LIPI: variants seen among roughly 807,000 people sequenced by gnomAD.
LIPI encodes the protein lipase I.
Under a neutral mutation model 50.6 loss-of-function variants are expected in LIPI, and 59 were observed. The ratio of observed to expected loss-of-function variants is 1.16; its 90% CI spans 0.94 to 1.45. The LOEUF (loss-of-function observed/expected upper bound fraction) is 1.45, where lower values mean the gene tolerates loss of function less well. Among genes scored for constraint, LIPI ranks in the 40% most tolerant of loss-of-function variants. The pLI is 0.00. For missense variants in LIPI, 586 were observed against 536.3 expected (o/e 1.09, Z -0.92); for synonymous variants, 203 against 178.2 (o/e 1.14, Z -1.11).
At chr21:14,131,719 A>G (rs1420981661) in intron 9 of LIPI, among the ~76,000 whole-genome samples, 1 of 152,226 alleles carries the variant, frequency 6.6e-6, no homozygotes, top group Admixed American at 6.5e-5. Flanking sequence ...CCAACCAGAA[A>G]GAATTCCTCA....
chr21:14,183,447 A>G (rs1370216343), intron 3 of LIPI, among the ~76,000 whole-genome samples: 1 of 152,346 alleles, frequency 6.6e-6, no homozygotes, highest in Admixed American at 6.5e-5. Context: ...ACCAAAAGCA[A>G]TGGCAACAAA....
At chr21:14,117,271 C>A (rs1041351340) in intron 9 of LIPI, among the ~76,000 whole-genome samples, 2 of 152,114 alleles carry the variant, frequency 1.3e-5, no homozygotes, top group African/African-American at 4.8e-5. Flanking sequence ...ACGGAAAAAC[C>A]CCAGGCTCTT....
At chr21:14,168,171 A>G (rs1174618755) in intron 4 of LIPI, among the ~76,000 whole-genome samples, 3 of 152,226 alleles carry the variant, frequency 2.0e-5, no homozygotes, top group Non-Finnish European at 4.4e-5. Flanking sequence ...AGAAAAAAGA[A>G]TAAAAAGAAA....
At chr21:14,140,279 G>A (rs1406449198) in intron 9 of LIPI, among the ~76,000 whole-genome samples, 2 of 152,102 alleles carry the variant, frequency 1.3e-5, no homozygotes, top group Non-Finnish European at 2.9e-5. Flanking sequence ...ATTGGATGAT[G>A]AGTGAGAAGA....
chr21:14,154,145 C>G (rs768771927), intron 7 of LIPI, among the ~76,000 whole-genome samples: 2 of 147,346 alleles, frequency 1.4e-5, no homozygotes, highest in Non-Finnish European at 3.0e-5. Flanking sequence ...TGACAAACCA[C>G]TGAGACTGGA....
intron 8 of LIPI, 64 bp from the exon 9 acceptor site, chr21:14,144,863 C>T: frequency 8.6e-7 from 1 of 1,157,904 alleles, no homozygotes; most frequent in South Asian, 1.3e-5. Flanking sequence ...ATTCTAAAAT[C>T]AATATAATCC....
intron 3 of LIPI, among the ~76,000 whole-genome samples, chr21:14,183,544 T>C (rs1053491777): frequency 4.4e-4 from 67 of 152,074 alleles, no homozygotes; most frequent in African/African-American, 9.2e-4. Context: ...AGGCAACCTA[T>C]AGAATGGGAG....
intron 2 of LIPI, among the ~76,000 whole-genome samples, chr21:14,188,510 G>A (rs1461774031): frequency 7.0e-6 from 1 of 142,748 alleles, no homozygotes; most frequent in Non-Finnish European, 1.5e-5. Context: ...GCAGGCTGCA[G>A]TGAGCCAAGA....
chr21:14,149,153 C>T (rs1185100713), intron 8 of LIPI, among the ~76,000 whole-genome samples: 1 of 152,170 alleles, frequency 6.6e-6, no homozygotes, highest in Non-Finnish European at 1.5e-5. Flanking sequence ...GTCTGCATTG[C>T]TGAGGAGGCC....
intron 9 of LIPI, among the ~76,000 whole-genome samples, chr21:14,119,551 C>A (rs2016785041): frequency 6.6e-6 from 1 of 152,136 alleles, no homozygotes; most frequent in Non-Finnish European, 1.5e-5. Flanking sequence ...CAACTACTCA[C>A]TCCTAGCAAA....
At chr21:14,167,405 G>A (rs1186244550) in intron 4 of LIPI, among the ~76,000 whole-genome samples, 2 of 152,210 alleles carry the variant, frequency 1.3e-5, no homozygotes, top group Non-Finnish European at 2.9e-5. Context: ...CGGGCAGACT[G>A]TCTCCTCAAG....
intron 9 of LIPI, among the ~76,000 whole-genome samples, chr21:14,131,684 C>T (rs955842784): frequency 3.9e-5 from 6 of 151,938 alleles, no homozygotes; most frequent in Admixed American, 2.0e-4. Flanking sequence ...ACCAAGGGAC[C>T]GCAACAGTAC....
chr21:14,164,578 A>C (rs988036622), intron 6 of LIPI, among the ~76,000 whole-genome samples: 1 of 152,206 alleles, frequency 6.6e-6, no homozygotes, highest in African/African-American at 2.4e-5. Context: ...CCAGATGTTT[A>C]CATGCTCATG....
intron 1 of LIPI, among the ~76,000 whole-genome samples, chr21:14,210,195 C>T (rs749202885): frequency 2.2e-4 from 33 of 151,912 alleles, no homozygotes; most frequent in Non-Finnish European, 3.7e-4. Flanking sequence ...ACTTATAAGT[C>T]GAACAAGTAA....
intron 8 of LIPI, among the ~76,000 whole-genome samples, chr21:14,145,037 T>C (rs1233684032): frequency 6.6e-6 from 1 of 152,158 alleles, no homozygotes; most frequent in Non-Finnish European, 1.5e-5. Flanking sequence ...TGAAAATGCT[T>C]CTTTTGGGAA....
intron 9 of LIPI, among the ~76,000 whole-genome samples, chr21:14,110,810 T>C (rs976128334): frequency 6.6e-6 from 1 of 151,598 alleles, no homozygotes; most frequent in Non-Finnish European, 1.5e-5. Context: ...TGATGGGATT[T>C]CCTTCTTTAT....
chr21:14,201,288 G>A (rs2020043615), intron 1 of LIPI, among the ~76,000 whole-genome samples: 1 of 152,058 alleles, frequency 6.6e-6, no homozygotes, highest in South Asian at 2.1e-4. Flanking sequence ...AAGAGCTTCT[G>A]CACAACAAAA....
chr21:14,116,716 A>G (rs2016656324), intron 9 of LIPI, among the ~76,000 whole-genome samples: 1 of 152,172 alleles, frequency 6.6e-6, no homozygotes, highest in Non-Finnish European at 1.5e-5. Flanking sequence ...CAGTTCCCAT[A>G]CATAGACTCC....
At position 14,189,139 on chromosome 21, in the gene LIPI, A is replaced by T. The variant is rs1265817786; in HGVS notation, c.327T>A (p.Ile109=). 12 of 1,614,074 alleles carry T rather than the reference A, an allele frequency of 7.4e-6. No homozygotes were observed. In the East Asian group the frequency reaches 2.7e-4, roughly 36 times the overall value. ...TAGCACCCCGGCTCCAGTCTACTAC[A>T]ATTACATTCATATCTTCTTCATTCA... The part of the protein sequence containing the change: ...ILLNEEDMNV[I]VVDWSRGATT... Residue 109 remains isoleucine, a synonymous_variant, in exon 2 of 10, where the codon ATT becomes ATA. Coordinates refer to ENST00000681601, the MANE Select transcript of LIPI (RefSeq NM_001302998.2).
Sources: gnomAD v4.1 joint callset for allele counts (sites outside exome capture counted in the v4.1 genomes callset) on GRCh38, gnomAD v4.1.1 for gene constraint, MANE v1.5 for transcripts, NCBI Gene and HGNC (gene_info 2026-07-23, HGNC 2026-07-21) for gene names.